DISC1: variants seen among roughly 807,000 people sequenced by gnomAD.
DISC1 encodes DISC1 scaffold protein, also known as disrupted in schizophrenia 1 protein.
In DISC1, 57 loss-of-function variants were observed where a neutral mutation model predicts 84.5. That is an observed-to-expected ratio of 0.67 (90% CI 0.55 to 0.84). The LOEUF is 0.84. DISC1 is among the 40% of genes least tolerant of loss of function. The probability of loss-of-function intolerance (pLI) is 0.00; values close to 1 mark genes in which losing one functional copy is unlikely to be tolerated. For missense variants in DISC1, 1,000 were observed against 1,057.8 expected (o/e 0.95, Z 0.76); for synonymous variants, 411 against 415.2 (o/e 0.99, Z 0.12).
Position 231,800,091 on chromosome 1 carries a change from C to G in DISC1, c.1690-17C>G. The stretch of plus-strand genomic sequence containing the variant: ...AGCTGAATAAATGATGATTCCTGGT[C>G]ATTTCTCTCCCCCTAGGTGTGTATG... On this transcript the variant is annotated splice_polypyrimidine_tract_variant and intron_variant, in intron 7 of 12. Transcript: ENST00000439617. The G allele has an allele frequency of 1.9e-6, 3 of 1,583,258 alleles. No homozygotes were observed. Among genetic ancestry groups the G allele is most frequent in the Non-Finnish European group, 2.6e-6 (3 of 1,154,616 alleles).
At chr1:232,014,414 G>A (rs1668296452) in intron 11 of DISC1, among the ~76,000 whole-genome samples, 2 of 152,180 alleles carry the variant, frequency 1.3e-5, no homozygotes, top group South Asian at 4.1e-4. Flanking sequence ...TGGGGAGAAA[G>A]CAAAGAGCTA....
intron 9 of DISC1, among the ~76,000 whole-genome samples, chr1:231,928,222 G>T (rs893184920): frequency 6.6e-6 from 1 of 152,190 alleles, no homozygotes; most frequent in East Asian, 1.9e-4. Flanking sequence ...GGAGAGGCAA[G>T]GCACATAGAA....
At chr1:231,841,114 G>A (rs1435624579) in intron 9 of DISC1, among the ~76,000 whole-genome samples, 1 of 152,136 alleles carries the variant, frequency 6.6e-6, no homozygotes, top group African/African-American at 2.4e-5. Context: ...AAAGCTCATA[G>A]AAGCATTTCG....
intron 9 of DISC1, among the ~76,000 whole-genome samples, chr1:231,859,035 C>T (rs1276649912): frequency 6.6e-6 from 1 of 152,236 alleles, no homozygotes; most frequent in African/African-American, 2.4e-5. Context: ...TGTCTGAGCT[C>T]ACGGTCTCAT....
intron 6 of DISC1, among the ~76,000 whole-genome samples, chr1:231,777,203 CCT>C (rs1055756681): frequency 6.6e-6 from 1 of 152,026 alleles, no homozygotes; most frequent in African/African-American, 2.4e-5. Flanking sequence ...TGATTTTCCC[CCT>C]CTTTTTTTTG....
At chr1:231,707,404 GC>G (rs1224201663) in intron 3 of DISC1, among the ~76,000 whole-genome samples, 2 of 152,148 alleles carry the variant, frequency 1.3e-5, no homozygotes, top group Non-Finnish European at 2.9e-5. Flanking sequence ...GCTCTATAGA[GC>G]TTTCCCTTCC....
intron 3 of DISC1, among the ~76,000 whole-genome samples, chr1:231,713,701 G>A (rs1043174792): frequency 4.0e-5 from 4 of 99,868 alleles, no homozygotes; most frequent in African/African-American, 1.9e-4. Flanking sequence ...ATATATATAG[G>A]AGATATATAT....
At chr1:231,641,590 C>G (rs2059685505) in intron 1 of DISC1, among the ~76,000 whole-genome samples, 1 of 152,222 alleles carries the variant, frequency 6.6e-6, no homozygotes, top group Admixed American at 6.5e-5. Flanking sequence ...GAGAGGGTTG[C>G]CGCTGCTGGC....
chr1:231,821,969 G>A (rs2081532603), intron 9 of DISC1, among the ~76,000 whole-genome samples: 1 of 152,052 alleles, frequency 6.6e-6, no homozygotes, highest in Non-Finnish European at 1.5e-5. Context: ...CCAAAGTGCT[G>A]GAATTACAAG....
Position 231,962,044 on chromosome 1 carries a change from GT to G in DISC1, c.2042+3162del, listed in dbSNP as rs202028608. 7.2e-5 allele frequency among the ~76,000 whole-genome samples: 11 copies of G among 152,224 alleles called. No homozygotes were observed. In the East Asian group the frequency reaches 2.1e-3, roughly 29 times the overall value. Reference sequence around the variant, plus strand: ...CTTCACAACCTCTCCAGCATCTGTTGTTTTTTGGCTTTTTAATAATAGCCAT... The same window carrying G: ...CTTCACAACCTCTCCAGCATCTGTTGTTTTTGGCTTTTTAATAATAGCCAT... On this transcript the variant is annotated intron_variant, in intron 10 of 12. Coordinates refer to ENST00000439617, the MANE Select transcript of DISC1 (RefSeq NM_018662.3).
chr1:231,981,102 T>A (rs1663540051), intron 10 of DISC1, among the ~76,000 whole-genome samples: 1 of 152,086 alleles, frequency 6.6e-6, no homozygotes, highest in South Asian at 2.1e-4. Context: ...CACCACCATG[T>A]CTGGCTAATT....
At chr1:231,749,213 G>A (rs2125319610) in intron 3 of DISC1, among the ~76,000 whole-genome samples, 1 of 152,276 alleles carries the variant, frequency 6.6e-6, no homozygotes, top group East Asian at 1.9e-4. Context: ...TTTATTCATT[G>A]CCTTGGTCCT....
chr1:231,974,839 G>T lies in DISC1; in HGVS notation c.2042+15951G>T, dbSNP rs555669245. Among the ~76,000 whole-genome samples the T allele has an allele frequency of 1.7e-3, 263 of 152,266 alleles. 1 individual carries two copies. The highest frequency in any genetic ancestry group is 2.7e-3 in the Non-Finnish European group (186 of 68,020). On this transcript the variant is annotated intron_variant, in intron 10 of 12. Transcript: ENST00000439617. ...TTTTAGGCCGGGTGTGGTGGCTCAC[G>T]CCTGTAATCCCAGCACTTTGGGAGG...
intron 10 of DISC1, among the ~76,000 whole-genome samples, chr1:231,964,280 G>A (rs185102480): frequency 2.0e-5 from 3 of 152,252 alleles, no homozygotes; most frequent in Non-Finnish European, 4.4e-5. Context: ...AACATCCTAG[G>A]CTCATCTTTT....
At chr1:231,895,512 G>A (rs889068722) in intron 9 of DISC1, among the ~76,000 whole-genome samples, 12 of 151,722 alleles carry the variant, frequency 7.9e-5, no homozygotes, top group Non-Finnish European at 1.6e-4. Flanking sequence ...TGTTACAGTT[G>A]TCATACTTTT....
chr1:231,984,630 G>C (rs896658955), intron 10 of DISC1, among the ~76,000 whole-genome samples: 6 of 152,182 alleles, frequency 3.9e-5, no homozygotes, highest in African/African-American at 1.4e-4. Context: ...AAGGCATCTG[G>C]CCTTCCCTTA....
intron 3 of DISC1, chr1:231,721,089 G>A (rs2125100570): frequency 7.8e-7 from 1 of 1,290,208 alleles, no homozygotes; most frequent in East Asian, 5.6e-5. Context: ...CCTGATGTGA[G>A]AAATGATGTC....
At chr1:232,014,248 T>A (rs1287439210) in intron 11 of DISC1, among the ~76,000 whole-genome samples, 1 of 152,210 alleles carries the variant, frequency 6.6e-6, no homozygotes, top group Non-Finnish European at 1.5e-5. Context: ...TGACACTTAC[T>A]GGCCCTGGGA....
At chr1:231,720,223 G>C (rs1431434089) in intron 3 of DISC1, among the ~76,000 whole-genome samples, 1 of 152,124 alleles carries the variant, frequency 6.6e-6, no homozygotes, top group African/African-American at 2.4e-5. Context: ...TCATTGCCAA[G>C]GACTTGGTTA....
Sources: gnomAD v4.1 joint callset for allele counts (sites outside exome capture counted in the v4.1 genomes callset) on GRCh38, gnomAD v4.1.1 for gene constraint, MANE v1.5 for transcripts, NCBI Gene and HGNC (gene_info 2026-07-23, HGNC 2026-07-21) for gene names.